STX2: variants seen among roughly 807,000 people sequenced by gnomAD.
The protein encoded by STX2 is syntaxin-2.
A neutral mutation model predicts 40.6 loss-of-function variants in STX2; 27 were observed. That is an observed-to-expected ratio of 0.66 (90% CI 0.49 to 0.92). The LOEUF (loss-of-function observed/expected upper bound fraction) is 0.92, where lower values mean the gene tolerates loss of function less well. Ranked by LOEUF, STX2 falls within the 40% of genes least tolerant of loss-of-function variation. STX2 has a pLI of 0.00. For missense variants in STX2, 328 were observed against 366.1 expected, an observed-to-expected ratio of 0.90 and a Z score of 0.85; for synonymous variants, 123 against 119.1, an observed-to-expected ratio of 1.03 and a Z score of -0.22.
chr12:130,839,028 G>T (rs1593204410), intron 1 of STX2, 42 bp downstream of exon 1: 2 of 804,876 alleles, frequency 2.5e-6, no homozygotes, highest in Non-Finnish European at 3.2e-6. Flanking sequence ...TCCAGACGCC[G>T]CCCCGGCCGG....
intron 1 of STX2, 107 bp downstream of exon 1, chr12:130,838,963 G>T: frequency 1.6e-6 from 1 of 614,454 alleles, no homozygotes; most frequent in Non-Finnish European, 2.0e-6. Flanking sequence ...GGAGATCCCC[G>T]CCCTGGGGAC....
chr12:130,795,606 G>A (rs1195735133), intron 10 of STX2, among the ~76,000 whole-genome samples: 1 of 152,110 alleles, frequency 6.6e-6, no homozygotes, highest in Non-Finnish European at 1.5e-5. Flanking sequence ...CGAGTGTGCT[G>A]GTGCACGTCT....
At chr12:130,829,326 C>G (rs944284576) in intron 1 of STX2, among the ~76,000 whole-genome samples, 4 of 152,176 alleles carry the variant, frequency 2.6e-5, no homozygotes, top group African/African-American at 7.2e-5. Context: ...ATACTCTACA[C>G]ACATGTTCTC....
At chr12:130,799,322 C>T (rs1482012234) in intron 8 of STX2, among the ~76,000 whole-genome samples, 1 of 152,188 alleles carries the variant, frequency 6.6e-6, no homozygotes, top group Non-Finnish European at 1.5e-5. Context: ...GCAATACCAA[C>T]AGACTTCTAA....
chr12:130,819,310 T>C (rs1952022295), intron 3 of STX2, among the ~76,000 whole-genome samples: 1 of 152,028 alleles, frequency 6.6e-6, no homozygotes, highest in Non-Finnish European at 1.5e-5. Flanking sequence ...TAGTCCCCCT[T>C]CCTCCCTCCC....
intron 6 of STX2, 113 bp from the exon 7 acceptor site, chr12:130,801,601 T>A (rs1000601233): frequency 8.6e-7 from 1 of 1,165,642 alleles, no homozygotes; most frequent in Non-Finnish European, 1.1e-6. Flanking sequence ...TTTTCAGTAA[T>A]TTTTTTAACC....
At chr12:130,828,966 T>C (rs373733393) in intron 1 of STX2, among the ~76,000 whole-genome samples, 3 of 151,956 alleles carry the variant, frequency 2.0e-5, no homozygotes, top group Admixed American at 6.6e-5. Flanking sequence ...TTTAACACTC[T>C]TCTCCAGGAT....
At chr12:130,792,923 A>G (rs2137002218) in intron 10 of STX2, among the ~76,000 whole-genome samples, 1 of 152,288 alleles carries the variant, frequency 6.6e-6, no homozygotes. Context: ...AAGCGAGACC[A>G]CCTTTGGCTT....
At chr12:130,822,908 T>C (rs911730750) in intron 2 of STX2, among the ~76,000 whole-genome samples, 1 of 152,238 alleles carries the variant, frequency 6.6e-6, no homozygotes, top group Non-Finnish European at 1.5e-5. Flanking sequence ...CAAGTGTTCT[T>C]AGAAGACAGC....
chr12:130,824,981 G>C (rs961270663), intron 2 of STX2, among the ~76,000 whole-genome samples: 1 of 151,604 alleles, frequency 6.6e-6, no homozygotes, highest in South Asian at 2.1e-4. Flanking sequence ...ACTGGCACCA[G>C]ATAGACAAAG....
chr12:130,814,042 T>TACCCACTGCACACAAGCGTGTGC, intron 3 of STX2, among the ~76,000 whole-genome samples: 1 of 152,124 alleles, frequency 6.6e-6, no homozygotes, highest in African/African-American at 2.4e-5. Flanking sequence ...GTGCCCCGAG[T>TACCCACTGCACACAAGCGTGTGC]ACCCACTGCA....
intron 4 of STX2, chr12:130,811,044 T>A (rs1951628793): frequency 1.3e-5 from 2 of 152,226 alleles, no homozygotes. Flanking sequence ...GGTTTCTTTT[T>A]AACTATTCCA....
Position 130,798,069 on chromosome 12 carries a change from G to A in STX2, c.786+456C>T, listed in dbSNP as rs144044188. Among the ~76,000 whole-genome samples, 283 of 152,266 alleles carry A rather than the reference G, an allele frequency of 1.9e-3. 2 individuals carry two copies. Among genetic ancestry groups the A allele is most frequent in the South Asian group, 0.018 (87 of 4,808 alleles). On this transcript the variant is annotated intron_variant, in intron 9 of 10. Coordinates refer to ENST00000392373, the MANE Select transcript of STX2 (RefSeq NM_194356.4). The stretch of plus-strand genomic sequence containing the variant: ...TCAAGACCAGCCTGGCCAACATGGT[G>A]AAACCCTCTCTCTACTGAAAATACA...
At chr12:130,838,770 G>A (rs1952823728) in intron 1 of STX2, among the ~76,000 whole-genome samples, 1 of 152,052 alleles carries the variant, frequency 6.6e-6, no homozygotes, top group Admixed American at 6.5e-5. Flanking sequence ...GGTCGAGGCC[G>A]GGACCTTCCC....
chr12:130,810,346 A>G (rs919902599), intron 4 of STX2, among the ~76,000 whole-genome samples: 3 of 152,232 alleles, frequency 2.0e-5, no homozygotes, highest in African/African-American at 7.2e-5. Flanking sequence ...TCAGTAACAA[A>G]TCATGATTCA....
At chr12:130,812,182 A>C in intron 4 of STX2, 1 of 238,928 alleles carries the variant, frequency 4.2e-6, no homozygotes, top group Non-Finnish European at 8.4e-6. Flanking sequence ...TTTAAAAAAA[A>C]AAAATCGTAA....
intron 3 of STX2, among the ~76,000 whole-genome samples, chr12:130,820,533 G>T (rs1246104626): frequency 2.0e-5 from 3 of 152,118 alleles, no homozygotes; most frequent in African/African-American, 7.2e-5. Flanking sequence ...GGGCGTGGTG[G>T]TGGGCACCTG....
chr12:130,839,148 GCCT>G lies in STX2; in HGVS notation c.-52_-50del, dbSNP rs1952838037. ...CCGCCGCTCAAGCCTGTCCCGAGCTGCCTCCGGCCGGGCCTCGGGCTCTCCGGT... is the reference window on the plus strand; with the variant it reads ...CCGCCGCTCAAGCCTGTCCCGAGCTGCCGGCCGGGCCTCGGGCTCTCCGGT... On this transcript the variant is annotated 5_prime_UTR_variant, in exon 1 of 11. Transcript: ENST00000392373. The G allele has an allele frequency of 4.3e-6, 5 of 1,173,010 alleles. No homozygotes were observed. The highest frequency in any genetic ancestry group is 5.3e-6 in the Non-Finnish European group (5 of 949,390). 72.7% of individuals were successfully genotyped at this position (1,173,010 alleles called of 1,614,324 possible).
At position 130,808,674 on chromosome 12, in the gene STX2, C is replaced by T. The variant is rs753397314; in HGVS notation, c.311G>A (p.Ser104Asn). ...AAGATCCACTGAAGTCCGGTTCCCACTCTCATCCTGATCAAAACTTTGTTC... is the reference window on the plus strand; with the variant it reads ...AAGATCCACTGAAGTCCGGTTCCCATTCTCATCCTGATCAAAACTTTGTTC... Reference protein sequence around the residue: ...AIEQSFDQDESGNRTSVDLRI... With the variant: ...AIEQSFDQDENGNRTSVDLRI... The change falls in exon 5 of 11, where the codon AGT becomes AAT. Residue 104 changes from serine (S) to asparagine (N), a missense_variant. Physicochemically the swap from Ser to Asn is conservative, Grantham distance 46 (BLOSUM62 1). Transcript: ENST00000392373. 1.9e-6 allele frequency: 3 copies of T among 1,613,356 alleles called. No homozygotes were observed. Among genetic ancestry groups the T allele is most frequent in the East Asian group, 2.2e-5 (1 of 44,858 alleles).
Sources: allele counts gnomAD v4.1 joint callset (sites outside exome capture counted in the v4.1 genomes callset), GRCh38; gene constraint gnomAD v4.1.1; transcripts MANE v1.5; gene names NCBI Gene and HGNC (gene_info 2026-07-23, HGNC 2026-07-21).